Variants in ARHGAP22 observed in about 807,000 individuals in gnomAD.
ARHGAP22 encodes rho GTPase-activating protein 22.
Under a neutral mutation model 59.1 loss-of-function variants are expected in ARHGAP22, and 48 were observed. That is an observed-to-expected ratio of 0.81 (90% CI 0.64 to 1.03). The LOEUF is 1.03. ARHGAP22 is among the 50% of genes least tolerant of loss of function. ARHGAP22 has a pLI of 0.00. For missense variants in ARHGAP22, 1,015 were observed against 958.7 expected, an observed-to-expected ratio of 1.06 and a Z score of -0.78; for synonymous variants, 445 against 416.4, an observed-to-expected ratio of 1.07 and a Z score of -0.84.
At chr10:48,629,383 C>T (rs1342000357) in intron 1 of ARHGAP22, among the ~76,000 whole-genome samples, 2 of 152,172 alleles carry the variant, frequency 1.3e-5, no homozygotes, top group Non-Finnish European at 2.9e-5. Flanking sequence ...TAGATTTTTT[C>T]CTGTTTTCTT....
At chr10:48,558,622 C>T (rs2057476963) in intron 2 of ARHGAP22, among the ~76,000 whole-genome samples, 1 of 152,210 alleles carries the variant, frequency 6.6e-6, no homozygotes, top group Admixed American at 6.5e-5. Flanking sequence ...TTGCCTCGGC[C>T]TCCCAAAGTG....
At chr10:48,505,912 C>CTTT (rs2052073471) in intron 3 of ARHGAP22, among the ~76,000 whole-genome samples, 1 of 152,214 alleles carries the variant, frequency 6.6e-6, no homozygotes, top group Non-Finnish European at 1.5e-5. Flanking sequence ...TTCTACCGGC[C>CTTT]CAATACTCCG....
At chr10:48,501,378 C>G (rs932235304) in intron 3 of ARHGAP22, among the ~76,000 whole-genome samples, 3 of 152,194 alleles carry the variant, frequency 2.0e-5, no homozygotes, top group Admixed American at 1.3e-4. Context: ...TCTCACACCA[C>G]GTGTTCCAGG....
At chr10:48,438,302 ATC>A in the ARHGAP22 span, 1 of 152,176 alleles carries the variant, frequency 6.6e-6, no homozygotes, top group Non-Finnish European at 1.5e-5. Flanking sequence ...GTTTCTACTG[ATC>A]TCTCTTAGGT....
intron 3 of ARHGAP22, among the ~76,000 whole-genome samples, chr10:48,490,671 C>T (rs1455991397): frequency 6.6e-6 from 1 of 152,182 alleles, no homozygotes; most frequent in Non-Finnish European, 1.5e-5. Flanking sequence ...GTTGGGAGCC[C>T]CCTGGACTCT....
chr10:48,644,011 G>A (rs148249333), intron 1 of ARHGAP22, among the ~76,000 whole-genome samples: 2 of 152,206 alleles, frequency 1.3e-5, no homozygotes, highest in African/African-American at 4.8e-5. Flanking sequence ...GCTGGGCGTG[G>A]TGGCACATGC....
intron 1 of ARHGAP22, among the ~76,000 whole-genome samples, chr10:48,644,147 CA>C (rs2062190132): frequency 6.6e-6 from 1 of 150,464 alleles, no homozygotes; most frequent in African/African-American, 2.5e-5. Flanking sequence ...AACTCTATCT[CA>C]AAAAAAGAAA....
In ARHGAP22 at chr10:48,604,753, T is replaced by C. The variant is rs1399817155; in HGVS notation, c.34+10A>G. On this transcript the variant is annotated intron_variant, in intron 1 of 9. Transcript: ENST00000249601. ...CGGTGCCCAGAGAAACCCCAGAAAGTTGGACTTACCCCTCCTGGCCTGCCT... is the reference window on the plus strand; with the variant it reads ...CGGTGCCCAGAGAAACCCCAGAAAGCTGGACTTACCCCTCCTGGCCTGCCT... The C allele has an allele frequency of 1.9e-6, 3 of 1,614,088 alleles. No homozygotes were observed. The highest frequency in any genetic ancestry group is 1.7e-5 in the Admixed American group (1 of 60,002).
intron 3 of ARHGAP22, among the ~76,000 whole-genome samples, chr10:48,526,479 G>A (rs1377982456): frequency 2.6e-5 from 4 of 152,188 alleles, no homozygotes; most frequent in South Asian, 2.1e-4. Flanking sequence ...AAAAAACAGA[G>A]AGACCTGACT....
intron 7 of ARHGAP22, among the ~76,000 whole-genome samples, chr10:48,453,653 T>C (rs1385633351): frequency 1.3e-5 from 2 of 152,198 alleles, no homozygotes; most frequent in Non-Finnish European, 2.9e-5. Context: ...CCGCTATTTG[T>C]GTGAAAGGAG....
intron 1 of ARHGAP22, among the ~76,000 whole-genome samples, chr10:48,590,512 T>A (rs1197339484): frequency 4.6e-5 from 7 of 152,132 alleles, no homozygotes; most frequent in Non-Finnish European, 1.0e-4. Context: ...CCTGCTGGGA[T>A]TGGAGAGTCT....
At chr10:48,455,211 C>G (rs2046375182) in intron 5 of ARHGAP22, 77 bp from the exon 6 acceptor site, 1 of 1,455,238 alleles carries the variant, frequency 6.9e-7, no homozygotes, top group African/African-American at 1.4e-5. Flanking sequence ...CGCCCTGACG[C>G]CAAGGGGCAG....
At chr10:48,509,294 G>A (rs551090688) in intron 3 of ARHGAP22, among the ~76,000 whole-genome samples, 53 of 152,276 alleles carry the variant, frequency 3.5e-4, no homozygotes, top group African/African-American at 1.0e-3. Context: ...ATGGGGCATC[G>A]CTCAGGAGCA....
At chr10:48,616,186 A>C (rs536634244) in intron 1 of ARHGAP22, among the ~76,000 whole-genome samples, 75 of 152,318 alleles carry the variant, frequency 4.9e-4, no homozygotes, top group Admixed American at 1.8e-3. Context: ...CTTGGTGTCA[A>C]CATTTTTTGG....
chr10:48,538,501 C>T (rs919460321), intron 3 of ARHGAP22, among the ~76,000 whole-genome samples: 6 of 152,200 alleles, frequency 3.9e-5, no homozygotes, highest in Admixed American at 2.0e-4. Flanking sequence ...TTGGAACCCA[C>T]GAAGGCAACG....
At chr10:48,606,950 G>C (rs1364084291), upstream of ARHGAP22, among the ~76,000 whole-genome samples, 1 of 152,188 alleles carries the variant, frequency 6.6e-6, no homozygotes, top group Non-Finnish European at 1.5e-5. Context: ...ACCACTGAAT[G>C]ACAGAACTGA....
chr10:48,517,370 C>T (rs1193996680), intron 3 of ARHGAP22, among the ~76,000 whole-genome samples: 5 of 151,962 alleles, frequency 3.3e-5, no homozygotes, highest in African/African-American at 9.7e-5. Flanking sequence ...TGGGGGTGGG[C>T]GATAGGGAGA....
intron 6 of ARHGAP22, 87 bp from the exon 7 acceptor site, chr10:48,454,248 G>A: frequency 8.0e-7 from 1 of 1,253,994 alleles, no homozygotes; most frequent in East Asian, 2.3e-5. Context: ...CAAAGAGAAG[G>A]GAGGTGGGGG....
chr10:48,444,014 CTGTT>C (rs1381730284), downstream of ARHGAP22: 4 of 152,278 alleles, frequency 2.6e-5, no homozygotes, highest in Non-Finnish European at 4.4e-5. Context: ...TTTTACGACA[CTGTT>C]GAAGTATTCT....
Sources: gnomAD v4.1 joint callset for allele counts (sites outside exome capture counted in the v4.1 genomes callset) on GRCh38, gnomAD v4.1.1 for gene constraint, MANE v1.5 for transcripts, NCBI Gene and HGNC (gene_info 2026-07-23, HGNC 2026-07-21) for gene names.